The following NEB variants were observed in gnomAD, a reference collection of about 807,000 sequenced individuals.
The protein encoded by NEB is nebulin, also known as nemaline myopathy type 2.
A neutral mutation model predicts 952.2 loss-of-function variants in NEB; 512 were observed. The ratio of observed to expected loss-of-function variants is 0.54; its 90% confidence interval spans 0.50 to 0.58. NEB has a LOEUF of 0.58. Ranked by LOEUF, NEB falls within the 20% of genes least tolerant of loss-of-function variation. The probability of loss-of-function intolerance (pLI) is 0.00; values close to 1 mark genes in which losing one functional copy is unlikely to be tolerated. For synonymous variants in NEB, 2,900 were observed against 3,149.8 expected (o/e 0.92, Z 2.66); for missense variants, 8,428 against 9,231.1 (o/e 0.91, Z 3.56).
intron 37 of NEB, among the ~76,000 whole-genome samples, chr2:151,671,557 T>C (rs1001816893): frequency 1.3e-5 from 2 of 152,218 alleles, no homozygotes; most frequent in African/African-American, 4.8e-5. Flanking sequence ...TACTGTATTA[T>C]GAAGCCTAAT....
At chr2:151,617,504 A>AGAGAGAG in intron 74 of NEB, 36 bp from the exon 75 acceptor site, 1 of 1,339,424 alleles carries the variant, frequency 7.5e-7, no homozygotes, top group Non-Finnish European at 1.0e-6. Context: ...AGAGAGAGAG[A>AGAGAGAG]AAAATTATTT....
At position 151,514,941 on chromosome 2, in the gene NEB, G is replaced by A; in HGVS notation, c.22906-13C>T. ...TCCTATATTCTTTCTAATGTAAGTA[G>A]GAAGGAAAGACAAGTTAAAAAAAAA... On this transcript the variant is annotated splice_polypyrimidine_tract_variant and intron_variant, in intron 157 of 181. Transcript: ENST00000397345. 6.7e-7 allele frequency: 1 copy of A among 1,496,488 alleles called. No individual in the cohort carries two copies. The highest frequency in any genetic ancestry group is 2.4e-5 in the East Asian group (1 of 41,326). 92.7% of individuals were successfully genotyped at this position (1,496,488 alleles called of 1,614,324 possible).
chr2:151,508,272 CTCAG>C (rs1312008890), intron 161 of NEB, among the ~76,000 whole-genome samples, 163 bp from the exon 162 acceptor site: 6 of 152,234 alleles, frequency 3.9e-5, no homozygotes, highest in Admixed American at 3.9e-4. Flanking sequence ...GAAGAACCCT[CTCAG>C]TCAAAGAAAG....
rs768732918 is a variant in NEB, at chr2:151,629,618, G to C, written c.9752C>G (p.Ala3251Gly). 5 of 1,613,448 alleles carry C rather than the reference G, an allele frequency of 3.1e-6. No individual in the cohort carries two copies. Among genetic ancestry groups the C allele is most frequent in the South Asian group, 1.1e-5 (1 of 91,070 alleles). The stretch of plus-strand genomic sequence containing the variant: ...TCGCAAGTCGTAGCCTTTCTTTTTT[G>C]CTTCTTCATTGGCAAGTTTGTATAG... Reference protein sequence around the residue: ...ETLYKLANEEAKKKGYDLRSD... With the variant: ...ETLYKLANEEGKKKGYDLRSD... Residue 3251 changes from alanine to glycine, a missense_variant, in exon 68 of 182, where the codon GCA (alanine) becomes GGA (glycine). Transcript: ENST00000397345.
At chr2:151,501,945 T>G (rs989889396) in intron 167 of NEB, among the ~76,000 whole-genome samples, 1 of 152,208 alleles carries the variant, frequency 6.6e-6, no homozygotes, top group South Asian at 2.1e-4. Context: ...AAAATTAATT[T>G]ATATCTTACA....
In NEB at chr2:151,610,620, G is replaced by A. The variant is rs200591649; in HGVS notation, c.11914C>T (p.Leu3972Phe). 6.2e-7 allele frequency: 1 copy of A among 1,608,652 alleles called. No homozygotes were observed. The highest frequency in any genetic ancestry group is 8.5e-7 in the Non-Finnish European group (1 of 1,175,012). The change falls in exon 80 of 182, where the codon CTT becomes TTT. Residue 3972 changes from leucine to phenylalanine, a missense_variant. Leu to Phe is a conservative substitution (Grantham distance 22). Around this residue, in one of 11 missense-constraint regions of NEB, gnomAD observed 337 missense variants for 297.5 expected, o/e 1.13. Transcript: ENST00000397345. ...KSNSANISQK[L>F]YTKGWDESKM... is the part of the protein sequence containing the mutation. The stretch of plus-strand genomic sequence containing the variant: ...GATTCATCCCATCCCTTGGTGTAAA[G>A]TTTCTAGGGAAGGGATAATAGACGA...
At chr2:151,561,852 G>C (rs1212583019) in intron 121 of NEB, among the ~76,000 whole-genome samples, 2 of 152,134 alleles carry the variant, frequency 1.3e-5, no homozygotes, top group Non-Finnish European at 2.9e-5. Context: ...ATGCTTGAGA[G>C]TAGTTCACTA....
At chr2:151,664,709 C>A in intron 43 of NEB, 50 bp downstream of exon 43, 3 of 1,535,956 alleles carry the variant, frequency 2.0e-6, no homozygotes, top group Non-Finnish European at 2.7e-6. Flanking sequence ...ACATAAGTAT[C>A]AGTTCCCTTT....
intron 173 of NEB, among the ~76,000 whole-genome samples, chr2:151,495,803 T>C (rs1382314226): frequency 6.6e-6 from 1 of 152,198 alleles, no homozygotes; most frequent in East Asian, 1.9e-4. Flanking sequence ...ATATCATTAT[T>C]CTTGAAGGAG....
rs748838869 is a variant in NEB at position 151,697,693 on chromosome 2, C to T, written c.1153-45G>A. On this transcript the variant is annotated intron_variant, in intron 13 of 181. Transcript: ENST00000397345. ...CAGTTAAAGTAGATTCCTGTCACTC[C>T]CACGCTGATTATAACACTTACATTT... is the stretch of plus-strand genomic sequence containing the variant. The T allele has an allele frequency of 1.5e-5, 18 of 1,218,902 alleles. No homozygotes were observed. In the Admixed American group the frequency reaches 3.7e-4, roughly 25 times the overall value. 75.5% of individuals were successfully genotyped at this position (1,218,902 alleles called of 1,614,324 possible).
intron 13 of NEB, among the ~76,000 whole-genome samples, chr2:151,702,427 C>A (rs1259783200): frequency 6.6e-6 from 1 of 152,118 alleles, no homozygotes; most frequent in African/African-American, 2.4e-5. Context: ...TCCCTGTTGA[C>A]TTTCTGTCTC....
chr2:151,630,582 G>T, intron 67 of NEB, 133 bp downstream of exon 67: 1 of 658,900 alleles, frequency 1.5e-6, no homozygotes, highest in Non-Finnish European at 2.6e-6. Flanking sequence ...TTAACCCAGA[G>T]ATGAAAGGTT....
At chr2:151,672,323 T>A (rs565292161) in intron 37 of NEB, 46 bp downstream of exon 37, 6 of 1,494,834 alleles carry the variant, frequency 4.0e-6, no homozygotes, top group Non-Finnish European at 5.4e-6. Flanking sequence ...GAAGTGATCA[T>A]CCTTTAAGTG....
chr2:151,486,806 AT>A (rs1414364010), intron 181 of NEB: 3 of 152,260 alleles, frequency 2.0e-5, no homozygotes, highest in African/African-American at 7.2e-5. Flanking sequence ...AGGTAGCCAA[AT>A]AATATAGTGA....
At chr2:151,562,873 T>C (rs1281236802) in intron 119 of NEB, 65 bp from the exon 120 acceptor site, 5 of 1,152,546 alleles carry the variant, frequency 4.3e-6, no homozygotes, top group Non-Finnish European at 6.2e-6. Context: ...ATCAATGTCT[T>C]TTAGATCCTT....
At chr2:151,689,450 C>T (rs2099529308) in intron 24 of NEB, 1 of 152,156 alleles carries the variant, frequency 6.6e-6, no homozygotes. Flanking sequence ...ACTGATCTGC[C>T]TGCCTCAGCC....
At chr2:151,698,562 TTTTC>T (rs768280100) in intron 13 of NEB, among the ~76,000 whole-genome samples, 3 of 152,122 alleles carry the variant, frequency 2.0e-5, no homozygotes, top group South Asian at 4.1e-4. Flanking sequence ...AAATGTGATC[TTTTC>T]TTTCTGATTT....
chr2:151,491,898 G>A, intron 178 of NEB, 123 bp from the exon 179 acceptor site: 1 of 985,942 alleles, frequency 1.0e-6, no homozygotes, highest in Non-Finnish European at 1.5e-6. Context: ...TTAGGTTCTG[G>A]GTCATGTCTT....
intron 9 of NEB, 121 bp from the exon 10 acceptor site, chr2:151,717,641 C>T: frequency 1.4e-6 from 1 of 729,578 alleles, no homozygotes; most frequent in Non-Finnish European, 2.3e-6. Flanking sequence ...CCATTGCTCT[C>T]AGTACTGCTA....
Sources: allele counts gnomAD v4.1 joint callset (sites outside exome capture counted in the v4.1 genomes callset), GRCh38; gene constraint gnomAD v4.1.1; regional missense constraint gnomAD v4.1.1; transcripts MANE v1.5; gene names NCBI Gene and HGNC (gene_info 2026-07-23, HGNC 2026-07-21).